Variants in SUCO observed in about 807,000 individuals in gnomAD.
SUCO encodes SUN domain-containing ossification factor.
Under a neutral mutation model 148.1 loss-of-function variants are expected in SUCO, and 57 were observed. That is an observed-to-expected ratio of 0.38 (90% CI 0.31 to 0.48). SUCO has a LOEUF of 0.48. SUCO is among the 20% of genes least tolerant of loss of function. SUCO has a pLI of 0.96. For synonymous variants in SUCO, 470 were observed against 502.7 expected, an observed-to-expected ratio of 0.93 and a Z score of 0.87; for missense variants, 1,331 against 1,468.2, an observed-to-expected ratio of 0.91 and a Z score of 1.53.
chr1:172,609,364 A>T, intron 23 of SUCO: 1 of 981,362 alleles, frequency 1.0e-6, no homozygotes, highest in Non-Finnish European at 1.2e-6. Context: ...TGGGCTTTGT[A>T]GGCAAATAGC....
intron 3 of SUCO, among the ~76,000 whole-genome samples, chr1:172,553,668 T>G (rs901625975): frequency 6.6e-6 from 1 of 152,176 alleles, no homozygotes; most frequent in Admixed American, 6.5e-5. Flanking sequence ...GATTTTCAGT[T>G]GTTAAGAAAT....
intron 22 of SUCO, among the ~76,000 whole-genome samples, chr1:172,606,070 G>A (rs948872717): frequency 6.6e-6 from 1 of 151,340 alleles, no homozygotes; most frequent in Non-Finnish European, 1.5e-5. Context: ...ATTTTCTAAT[G>A]TTAAACTTAT....
intron 17 of SUCO, among the ~76,000 whole-genome samples, chr1:172,586,421 T>C (rs1034453669): frequency 6.6e-6 from 1 of 152,192 alleles, no homozygotes; most frequent in African/African-American, 2.4e-5. Context: ...CTGAATCATG[T>C]AGGCCTTTCC....
In SUCO at chr1:172,589,463, G is replaced by A. The variant is rs753735087; in HGVS notation, c.2362G>A (p.Glu788Lys). The change falls in exon 18 of 24, where the codon GAG (glutamate) becomes AAG (lysine). Residue 788 changes from glutamate to lysine, a missense_variant. Glu to Lys is a moderately conservative substitution (Grantham distance 56). Transcript: ENST00000263688. The part of the protein sequence containing the change: ...EQKSESFSSI[E>K]KPSITYETNK... ...AAAGTCTGAGAGCTTTAGTTCTATA[G>A]AGAAACCATCTATTACCTATGAAAC... 3 of 1,611,548 alleles carry A rather than the reference G, an allele frequency of 1.9e-6. No individual in the cohort carries two copies. The Admixed American group carries it at 5.1e-5, about 27-fold the overall frequency.
Position 172,533,340 on chromosome 1 carries a change from C to G in SUCO, c.-96C>G, listed in dbSNP as rs1396791072. On this transcript the variant is annotated 5_prime_UTR_variant, in exon 1 of 24. Transcript: ENST00000263688. ...AGCCCTTAGGACTATCGGTCACATT[C>G]TCGCGCTCCTGCTCCGGCTCCTCCA... 8.4e-6 allele frequency: 13 copies of G among 1,551,410 alleles called. No individual in the cohort carries two copies. Among genetic ancestry groups the G allele is most frequent in the Non-Finnish European group, 1.1e-5 (13 of 1,146,966 alleles).
At chr1:172,565,598 G>A (rs951970875) in intron 6 of SUCO, among the ~76,000 whole-genome samples, 12 of 152,158 alleles carry the variant, frequency 7.9e-5, no homozygotes, top group Non-Finnish European at 1.2e-4. Context: ...CCCGGGTGCA[G>A]CCAACAGTGT....
At chr1:172,552,725 C>G (rs1043938877) in intron 2 of SUCO, 14 of 722,714 alleles carry the variant, frequency 1.9e-5, no homozygotes, top group Non-Finnish European at 2.2e-5. Flanking sequence ...TTTGATGAAG[C>G]ATTTTGCAAA....
intron 1 of SUCO, among the ~76,000 whole-genome samples, chr1:172,546,895 G>A (rs1354194952): frequency 6.6e-6 from 1 of 152,170 alleles, no homozygotes; most frequent in East Asian, 1.9e-4. Context: ...GGGTGATAGA[G>A]TGGGACCCTG....
chr1:172,594,876 G>A (rs866471884), intron 19 of SUCO, among the ~76,000 whole-genome samples: 6 of 152,166 alleles, frequency 3.9e-5, no homozygotes, highest in African/African-American at 1.4e-4. Context: ...TGACAGTGGG[G>A]TGTTAAAGTC....
chr1:172,601,724 T>C (rs1404791790), intron 20 of SUCO, among the ~76,000 whole-genome samples: 1 of 152,130 alleles, frequency 6.6e-6, no homozygotes, highest in Non-Finnish European at 1.5e-5. Context: ...AAAAGCACAA[T>C]TATTTTTTCT....
At chr1:172,594,281 T>C (rs1656913197) in intron 19 of SUCO, among the ~76,000 whole-genome samples, 1 of 152,112 alleles carries the variant, frequency 6.6e-6, no homozygotes, top group African/African-American at 2.4e-5. Flanking sequence ...TCTGTCTCCT[T>C]CAGTTCTGCT....
chr1:172,575,529 A>G lies in SUCO; in HGVS notation c.1169A>G (p.Asn390Ser), dbSNP rs1655370634. The change falls in exon 11 of 24, where the codon AAT (asparagine) becomes AGT (serine). Residue 390 changes from asparagine to serine, a missense_variant. By Grantham distance (46) the Asn-to-Ser change is conservative. Transcript: ENST00000263688. ...CTTATATTTTTTAGATATCCAACAAATAAGTGGATTAAGCTGGGTACTTTT... is the reference window on the plus strand; with the variant it reads ...CTTATATTTTTTAGATATCCAACAAGTAAGTGGATTAAGCTGGGTACTTTT... ...LVSISDRYPT[N>S]KWIKLGTFHG... The G allele has an allele frequency of 7.5e-6, 12 of 1,608,374 alleles. No individual in the cohort carries two copies. Among genetic ancestry groups the G allele is most frequent in the South Asian group, 1.1e-5 (1 of 90,514 alleles).
intron 8 of SUCO, 174 bp from the exon 9 acceptor site, chr1:172,570,489 C>T (rs1654877370): frequency 1.7e-6 from 1 of 577,260 alleles, no homozygotes; most frequent in Non-Finnish European, 3.1e-6. Flanking sequence ...AATGCTGTTG[C>T]CGTGAATGGT....
chr1:172,551,196 C>T (rs954869196), intron 1 of SUCO, among the ~76,000 whole-genome samples: 16 of 151,940 alleles, frequency 1.1e-4, no homozygotes, highest in Non-Finnish European at 1.9e-4. Context: ...TGGTACTTTC[C>T]GAGGAGGTTA....
At chr1:172,570,601 A>T in intron 8 of SUCO, 62 bp from the exon 9 acceptor site, 1 of 1,173,502 alleles carries the variant, frequency 8.5e-7, no homozygotes, top group Non-Finnish European at 1.2e-6. Context: ...CTTTAAAGTT[A>T]AAATAAATAC....
At chr1:172,602,569 T>C in intron 21 of SUCO, 127 bp from the exon 22 acceptor site, 1 of 1,464,580 alleles carries the variant, frequency 6.8e-7, no homozygotes, top group Non-Finnish European at 9.0e-7. Flanking sequence ...TAGCAATAAC[T>C]GGAGTGTTAG....
chr1:172,532,379 C>T, upstream of SUCO: 1 of 944,292 alleles, frequency 1.1e-6, no homozygotes, highest in Non-Finnish European at 1.6e-6. Context: ...GAACGAAAAG[C>T]AACGAAGCAC....
In SUCO at chr1:172,533,192, C is replaced by G; in HGVS notation, c.-244C>G. ...GCTGCAGGAGGCGGGCGTGGACGAG[C>G]CGGTGGCTGCAGCGGCGGCGGTCCC... is the stretch of plus-strand genomic sequence containing the variant. On this transcript the variant is annotated 5_prime_UTR_variant, in exon 1 of 24. Coordinates refer to ENST00000263688, the MANE Select transcript of SUCO (RefSeq NM_014283.5). The G allele has an allele frequency of 6.7e-7, 1 of 1,501,690 alleles. No individual in the cohort carries two copies. The highest frequency in any genetic ancestry group is 8.9e-7 in the Non-Finnish European group (1 of 1,126,008). 93.0% of individuals were successfully genotyped at this position (1,501,690 alleles called of 1,614,324 possible).
chr1:172,571,257 C>T (rs1353527591), intron 9 of SUCO, among the ~76,000 whole-genome samples: 6 of 152,330 alleles, frequency 3.9e-5, no homozygotes, highest in East Asian at 1.9e-4. Flanking sequence ...GACGGGGTTT[C>T]GCTGTGTTGG....
Sources: gnomAD v4.1 joint callset for allele counts (sites outside exome capture counted in the v4.1 genomes callset) on GRCh38, gnomAD v4.1.1 for gene constraint, MANE v1.5 for transcripts, NCBI Gene and HGNC (gene_info 2026-07-23, HGNC 2026-07-21) for gene names.